Variants in RBFOX1 observed in about 807,000 individuals in gnomAD.
The protein encoded by RBFOX1 is RNA binding protein fox-1 homolog 1.
A neutral mutation model predicts 57.7 loss-of-function variants in RBFOX1; 8 were observed. The ratio of observed to expected loss-of-function variants is 0.14; its 90% confidence interval spans 0.08 to 0.25. The LOEUF (loss-of-function observed/expected upper bound fraction) is 0.25, where lower values mean the gene tolerates loss of function less well. Ranked by LOEUF, RBFOX1 falls within the 10% of genes least tolerant of loss-of-function variation. The pLI is 1.00. For missense variants in RBFOX1, 611 were observed against 548.5 expected, an observed-to-expected ratio of 1.11 and a Z score of -1.14; for synonymous variants, 326 against 222.4, an observed-to-expected ratio of 1.47 and a Z score of -4.15.
chr16:6,991,117 C>A (rs933644155), intron 3 of RBFOX1, among the ~76,000 whole-genome samples: 1 of 89,234 alleles, frequency 1.1e-5, no homozygotes, highest in East Asian at 3.6e-4. Flanking sequence ...TCCTAGGCAA[C>A]GTAATAAAAT....
chr16:7,014,311 C>T (rs897589426), intron 3 of RBFOX1, among the ~76,000 whole-genome samples: 1 of 151,892 alleles, frequency 6.6e-6, no homozygotes, highest in Non-Finnish European at 1.5e-5. Context: ...CTCCTGGGTT[C>T]AAGCAATCCT....
intron 3 of RBFOX1, among the ~76,000 whole-genome samples, chr16:5,689,198 A>G: frequency 6.6e-6 from 1 of 152,224 alleles, no homozygotes; most frequent in East Asian, 1.9e-4. Flanking sequence ...GGTGGTGCTC[A>G]GTATGGCACT....
chr16:6,814,202 A>G (rs1430901508), intron 3 of RBFOX1, among the ~76,000 whole-genome samples: 2 of 147,454 alleles, frequency 1.4e-5, no homozygotes, highest in South Asian at 2.1e-4. Context: ...ACATGATGAT[A>G]ATAACTGTTT....
chr16:7,628,912 C>G (rs1429287654), intron 10 of RBFOX1, among the ~76,000 whole-genome samples: 1 of 152,036 alleles, frequency 6.6e-6, no homozygotes, highest in Non-Finnish European at 1.5e-5. Flanking sequence ...TACACCTGGC[C>G]GATAAACTGT....
At chr16:6,497,561 T>TA (rs749107631) in intron 2 of RBFOX1, among the ~76,000 whole-genome samples, 6 of 149,722 alleles carry the variant, frequency 4.0e-5, no homozygotes, top group African/African-American at 1.5e-4. Context: ...TTGAAGTTTT[T>TA]AAAAAAAAAA....
chr16:6,241,926 A>G (rs2097542057), intron 1 of RBFOX1, among the ~76,000 whole-genome samples: 4 of 152,222 alleles, frequency 2.6e-5, no homozygotes, highest in Admixed American at 2.0e-4. Flanking sequence ...GTTTTCACTG[A>G]TAGGATAAAC....
At chr16:6,992,441 C>T (rs1000284807) in intron 3 of RBFOX1, among the ~76,000 whole-genome samples, 4 of 152,062 alleles carry the variant, frequency 2.6e-5, no homozygotes, top group Non-Finnish European at 5.9e-5. Flanking sequence ...TGGTCTTGAA[C>T]TCTTGATCTC....
chr16:6,154,778 C>G (rs1369124450), intron 1 of RBFOX1, among the ~76,000 whole-genome samples: 2 of 152,140 alleles, frequency 1.3e-5, no homozygotes, highest in Non-Finnish European at 2.9e-5. Flanking sequence ...TTTCTCATTA[C>G]TAATGTGACT....
At chr16:6,719,090 C>G (rs2154159834) in intron 3 of RBFOX1, among the ~76,000 whole-genome samples, 1 of 152,226 alleles carries the variant, frequency 6.6e-6, no homozygotes, top group South Asian at 2.1e-4. Flanking sequence ...TGGTCTTGAA[C>G]TCCTGGGCTC....
chr16:5,559,165 C>CAAAAAAAAA (rs35531242), intron 2 of RBFOX1, among the ~76,000 whole-genome samples: 1 of 65,382 alleles, frequency 1.5e-5, no homozygotes, highest in Non-Finnish European at 2.8e-5. Context: ...CCCCCCCAGG[C>CAAAAAAAAA]AAAAAAAAAA....
At chr16:5,550,906 GTATATCCA>G (rs1285688828) in intron 2 of RBFOX1, among the ~76,000 whole-genome samples, 2 of 152,108 alleles carry the variant, frequency 1.3e-5, no homozygotes, top group Non-Finnish European at 2.9e-5. Flanking sequence ...AAAGAAAATG[GTATATCCA>G]CATACAGAGT....
At chr16:6,718,281 G>T (rs899171609) in intron 3 of RBFOX1, among the ~76,000 whole-genome samples, 1 of 152,158 alleles carries the variant, frequency 6.6e-6, no homozygotes, top group African/African-American at 2.4e-5. Flanking sequence ...ACGTGCTGGG[G>T]TTGGAGTGGT....
chr16:5,430,092 C>T (rs559925689), intron 1 of RBFOX1, among the ~76,000 whole-genome samples: 9 of 152,258 alleles, frequency 5.9e-5, no homozygotes, highest in Non-Finnish European at 1.2e-4. Flanking sequence ...TTATTGAGCT[C>T]CTCTGACAAA....
intron 3 of RBFOX1, among the ~76,000 whole-genome samples, chr16:5,633,173 G>A (rs1485451694): frequency 4.6e-5 from 7 of 151,870 alleles, no homozygotes; most frequent in Non-Finnish European, 8.8e-5. Flanking sequence ...TCCTGACCTC[G>A]TGATCCAGCT....
chr16:5,278,081 G>A (rs1442931961), intron 1 of RBFOX1, among the ~76,000 whole-genome samples: 1 of 152,054 alleles, frequency 6.6e-6, no homozygotes, highest in Non-Finnish European at 1.5e-5. Flanking sequence ...AAATCTCTGT[G>A]CTTTTTAAAA....
chr16:6,615,440 G>A (rs1464206011), intron 2 of RBFOX1, among the ~76,000 whole-genome samples: 1 of 151,970 alleles, frequency 6.6e-6, no homozygotes, highest in Non-Finnish European at 1.5e-5. Context: ...TGTGCTGGTG[G>A]GTGCCTGTAA....
chr16:6,361,396 G>T (rs1204614948), intron 2 of RBFOX1, among the ~76,000 whole-genome samples: 2 of 152,100 alleles, frequency 1.3e-5, no homozygotes, highest in African/African-American at 4.8e-5. Context: ...TTGGGAGGCC[G>T]AGGCGGGTGG....
chr16:6,467,801 A>G (rs994161518), intron 2 of RBFOX1, among the ~76,000 whole-genome samples: 2 of 152,236 alleles, frequency 1.3e-5, no homozygotes, highest in African/African-American at 4.8e-5. Flanking sequence ...GAAATTTTGC[A>G]AAGCAGTAAA....
At chr16:6,289,698 T>C (rs1456288329) in intron 1 of RBFOX1, among the ~76,000 whole-genome samples, 1 of 152,130 alleles carries the variant, frequency 6.6e-6, no homozygotes, top group African/African-American at 2.4e-5. Context: ...ATAGGAATTA[T>C]AAAATGAAAA....
Sources: allele counts gnomAD v4.1 joint callset (sites outside exome capture counted in the v4.1 genomes callset), GRCh38; gene constraint gnomAD v4.1.1; transcripts MANE v1.5; gene names NCBI Gene and HGNC (gene_info 2026-07-23, HGNC 2026-07-21).